Variants in NRXN3 observed in about 807,000 individuals in gnomAD.
The protein encoded by NRXN3 is neurexin III.
Under a neutral mutation model 137.6 loss-of-function variants are expected in NRXN3, and 32 were observed. That is an observed-to-expected ratio of 0.23 (90% CI 0.18 to 0.31). The LOEUF is 0.31. Ranked by LOEUF, NRXN3 falls within the 10% of genes least tolerant of loss-of-function variation. The pLI, the probability that NRXN3 is intolerant of heterozygous loss-of-function variation, is 1.00. For synonymous variants in NRXN3, 798 were observed against 784.5 expected (o/e 1.02, Z -0.29); for missense variants, 1,574 against 2,062.5 (o/e 0.76, Z 4.59).
At chr14:79,277,032 T>C (rs2080392985) in intron 15 of NRXN3, among the ~76,000 whole-genome samples, 1 of 152,160 alleles carries the variant, frequency 6.6e-6, no homozygotes, top group South Asian at 2.1e-4. Context: ...TAAAATAATT[T>C]CAGACACTGG....
intron 15 of NRXN3, among the ~76,000 whole-genome samples, chr14:79,448,251 C>A (rs1321274104): frequency 6.6e-6 from 1 of 152,182 alleles, no homozygotes; most frequent in East Asian, 1.9e-4. Flanking sequence ...GGCATTCTCC[C>A]TCTCTGCACT....
chr14:79,247,716 G>A (rs1159853128), intron 15 of NRXN3, among the ~76,000 whole-genome samples: 1 of 151,776 alleles, frequency 6.6e-6, no homozygotes, highest in Non-Finnish European at 1.5e-5. Context: ...TACACATTAT[G>A]TATGTAATTT....
intron 10 of NRXN3, among the ~76,000 whole-genome samples, chr14:78,868,524 T>C (rs1382506803): frequency 2.6e-5 from 4 of 152,036 alleles, no homozygotes; most frequent in African/African-American, 9.7e-5. Context: ...CCACAATATT[T>C]CTACTTGAAA....
intron 4 of NRXN3, among the ~76,000 whole-genome samples, chr14:78,453,656 T>C (rs76654235): frequency 0.025 from 3,860 of 152,310 alleles, 159 homozygotes; most frequent in African/African-American, 0.08. Flanking sequence ...AACTTGTAAA[T>C]GTGACCTTAT....
chr14:79,267,284 A>G (rs745395327), intron 15 of NRXN3, among the ~76,000 whole-genome samples: 2 of 152,154 alleles, frequency 1.3e-5, no homozygotes, highest in South Asian at 2.1e-4. Flanking sequence ...AGGATATAGA[A>G]TTATTTTCTA....
At chr14:78,331,637 G>A (rs974685113) in intron 4 of NRXN3, among the ~76,000 whole-genome samples, 10 of 152,170 alleles carry the variant, frequency 6.6e-5, no homozygotes, top group Non-Finnish European at 5.9e-5. Flanking sequence ...GCTACTTCCT[G>A]GAACAGGTAG....
intron 15 of NRXN3, among the ~76,000 whole-genome samples, chr14:79,088,935 A>C (rs1163720117): frequency 6.6e-6 from 1 of 152,182 alleles, no homozygotes; most frequent in Non-Finnish European, 1.5e-5. Flanking sequence ...TTAGAAAGCA[A>C]GGCCATTTCC....
intron 8 of NRXN3, among the ~76,000 whole-genome samples, chr14:78,750,445 T>C (rs2098635637): frequency 6.6e-6 from 1 of 152,122 alleles, no homozygotes; most frequent in Admixed American, 6.6e-5. Context: ...GACAGCCAAA[T>C]TGGAAAGTTG....
At chr14:78,672,240 T>A (rs2097943649) in intron 6 of NRXN3, among the ~76,000 whole-genome samples, 1 of 152,216 alleles carries the variant, frequency 6.6e-6, no homozygotes, top group Non-Finnish European at 1.5e-5. Flanking sequence ...TAAATGCTGT[T>A]CTTCTCTAGA....
At chr14:79,039,901 GC>G (rs2099622336) in intron 15 of NRXN3, among the ~76,000 whole-genome samples, 1 of 152,082 alleles carries the variant, frequency 6.6e-6, no homozygotes, top group Non-Finnish European at 1.5e-5. Context: ...ACAGGATCTT[GC>G]TAGGTTGCCC....
chr14:78,859,416 C>T (rs1024260629), intron 10 of NRXN3, among the ~76,000 whole-genome samples: 5 of 152,134 alleles, frequency 3.3e-5, no homozygotes, highest in Non-Finnish European at 2.9e-5. Flanking sequence ...TCTTTTCTCC[C>T]ATCCAAGATG....
chr14:78,203,524 C>T (rs1467382435), intron 1 of NRXN3, among the ~76,000 whole-genome samples: 1 of 152,076 alleles, frequency 6.6e-6, no homozygotes. Flanking sequence ...CTTCTGTCCC[C>T]TGAGGGGTAT....
intron 20 of NRXN3, among the ~76,000 whole-genome samples, chr14:79,856,067 A>T (rs747869427): frequency 1.3e-5 from 2 of 152,150 alleles, no homozygotes; most frequent in African/African-American, 2.4e-5. Context: ...TGAAAAATAT[A>T]ATCTGTAGCC....
Position 79,383,504 on chromosome 14 carries a change from T to C in NRXN3, c.3263-83717T>C, listed in dbSNP as rs148946685. 3.4e-3 allele frequency among the ~76,000 whole-genome samples: 519 copies of C among 152,330 alleles called. 4 individuals are homozygous for C. Among genetic ancestry groups the C allele is most frequent in the African/African-American group, 0.012 (498 of 41,564 alleles). ...AAGAAACAAAATTGGCAACTATTTT[T>C]TCATAGCTTGTAAATTCCAAGAAAC... On this transcript the variant is annotated intron_variant, in intron 15 of 20. Transcript: ENST00000335750.
chr14:78,738,468 C>A (rs1182278487), intron 8 of NRXN3, among the ~76,000 whole-genome samples: 1 of 152,154 alleles, frequency 6.6e-6, no homozygotes, highest in Non-Finnish European at 1.5e-5. Context: ...TCTCAGACCC[C>A]ACCCTCAGGA....
At chr14:78,205,301 G>A (rs908725022) in intron 1 of NRXN3, among the ~76,000 whole-genome samples, 1 of 152,194 alleles carries the variant, frequency 6.6e-6, no homozygotes, top group Non-Finnish European at 1.5e-5. Context: ...ATGGAGGTCT[G>A]GGGGGGATTA....
chr14:78,484,172 G>C (rs2095524465), intron 4 of NRXN3, among the ~76,000 whole-genome samples: 2 of 152,152 alleles, frequency 1.3e-5, no homozygotes, highest in African/African-American at 4.8e-5. Flanking sequence ...ATACACTAGT[G>C]CCACAGAGTT....
intron 15 of NRXN3, among the ~76,000 whole-genome samples, chr14:79,295,110 C>T (rs1350709240): frequency 6.6e-6 from 1 of 152,130 alleles, no homozygotes; most frequent in African/African-American, 2.4e-5. Flanking sequence ...GATCTGGCCC[C>T]TGTGTATCCC....
chr14:78,310,997 CAT>C (rs2077914125), intron 4 of NRXN3, among the ~76,000 whole-genome samples: 1 of 152,156 alleles, frequency 6.6e-6, no homozygotes, highest in Non-Finnish European at 1.5e-5. Flanking sequence ...TCAATATCAG[CAT>C]CACTCATTAA....
Sources: gnomAD v4.1 joint callset for allele counts (sites outside exome capture counted in the v4.1 genomes callset) on GRCh38, gnomAD v4.1.1 for gene constraint, MANE v1.5 for transcripts, NCBI Gene and HGNC (gene_info 2026-07-23, HGNC 2026-07-21) for gene names.